Variants in GALK2 observed in about 807,000 individuals in gnomAD.
GALK2 encodes N-acetylgalactosamine kinase.
In GALK2, 36 loss-of-function variants were observed where a neutral mutation model predicts 52.4. That is an observed-to-expected ratio of 0.69 (90% CI 0.53 to 0.91). The LOEUF (loss-of-function observed/expected upper bound fraction) is 0.91. GALK2 is among the 40% of genes least tolerant of loss of function. The pLI is 0.00. For synonymous variants in GALK2, 176 were observed against 199.1 expected (o/e 0.88, Z 0.98); for missense variants, 579 against 559.1 (o/e 1.04, Z -0.36).
In GALK2 at chr15:49,319,624, C is replaced by G; in HGVS notation, c.988C>G (p.Gln330Glu). 6.2e-7 allele frequency: 1 copy of G among 1,614,162 alleles called. No homozygotes were observed. Among genetic ancestry groups the G allele is most frequent in the South Asian group, 1.1e-5 (1 of 91,058 alleles). Residue 330 changes from glutamine to glutamate, a missense_variant, in exon 9 of 10, where the codon CAG becomes GAG. Transcript: ENST00000560031. The stretch of plus-strand genomic sequence containing the variant: ...CTCAGTGCTCATCTTCAAACTCTAT[C>G]AGCGGGCAAAGCATGTGTACAGCGA... ...TQDVLIFKLY[Q>E]RAKHVYSEAA... is the part of the protein sequence containing the mutation.
chr15:49,178,330 T>TA (rs1223290894), intron 1 of GALK2: 1 of 146,148 alleles, frequency 6.8e-6, no homozygotes, highest in Non-Finnish European at 1.5e-5. Context: ...TGTATGTACA[T>TA]ATATACATGA....
rs1595792647 is a variant in GALK2, at chr15:49,239,442, GCCTT to G, written c.504+80_504+83del. 11 of 1,397,956 alleles carry G rather than the reference GCCTT, an allele frequency of 7.9e-6. No homozygotes were observed. In the East Asian group the frequency reaches 2.5e-4, roughly 32 times the overall value. 86.6% of individuals were successfully genotyped at this position (1,397,956 alleles called of 1,614,324 possible). Reference sequence around the variant, plus strand: ...TAGCATCCAAATCTCAAATCAGAATGCCTTCCTTGATTGAAAAACTGTCTTCTCT... The same window carrying G: ...TAGCATCCAAATCTCAAATCAGAATGCCTTGATTGAAAAACTGTCTTCTCT... On this transcript the variant is annotated intron_variant, in intron 5 of 9. Coordinates refer to ENST00000560031, the MANE Select transcript of GALK2 (RefSeq NM_002044.4).
intron 2 of GALK2, among the ~76,000 whole-genome samples, chr15:49,213,979 G>T (rs1399528099): frequency 6.6e-6 from 1 of 151,974 alleles, no homozygotes; most frequent in East Asian, 1.9e-4. Flanking sequence ...ATTTAGCTGG[G>T]CATGGTGGCG....
intron 9 of GALK2, among the ~76,000 whole-genome samples, chr15:49,321,493 G>A (rs1232748471): frequency 1.3e-5 from 2 of 152,240 alleles, no homozygotes; most frequent in African/African-American, 4.8e-5. Context: ...GTGGGTATAA[G>A]AGAGAAATCA....
chr15:49,309,919 T>A (rs1420350088), intron 8 of GALK2, among the ~76,000 whole-genome samples: 1 of 152,198 alleles, frequency 6.6e-6, no homozygotes, highest in Non-Finnish European at 1.5e-5. Flanking sequence ...TCTAGTTTTT[T>A]TGAACATGTA....
intron 5 of GALK2, among the ~76,000 whole-genome samples, chr15:49,277,173 T>A (rs1432338503): frequency 0.013 from 297 of 23,166 alleles, 32 homozygotes; most frequent in African/African-American, 0.041. Context: ...TTTTTTTTTT[T>A]TTTTTTTTTT....
intron 5 of GALK2, among the ~76,000 whole-genome samples, chr15:49,256,648 G>T (rs527433716): frequency 6.6e-6 from 1 of 152,146 alleles, no homozygotes; most frequent in African/African-American, 2.4e-5. Context: ...GCTTTAGCCA[G>T]ATGTAATTGG....
At chr15:49,263,764 G>T (rs1316515280) in intron 5 of GALK2, among the ~76,000 whole-genome samples, 1 of 122,582 alleles carries the variant, frequency 8.2e-6, no homozygotes, top group Non-Finnish European at 1.7e-5. Context: ...AGGCAGGCCT[G>T]TTGGTGAGAA....
At chr15:49,358,935 A>G (rs1056851023) in intron 3 of GALK2, among the ~76,000 whole-genome samples, 1 of 146,090 alleles carries the variant, frequency 6.8e-6, no homozygotes, top group Non-Finnish European at 1.5e-5. Context: ...ATAACGCCGC[A>G]TATCTACAAC....
intron 7 of GALK2, among the ~76,000 whole-genome samples, chr15:49,290,462 T>G (rs1325709195): frequency 6.6e-6 from 1 of 152,232 alleles, no homozygotes; most frequent in Non-Finnish European, 1.5e-5. Flanking sequence ...AGTGCCTCAA[T>G]CTGCAGAAGA....
At chr15:49,308,913 C>G (rs1293257692) in intron 8 of GALK2, among the ~76,000 whole-genome samples, 1 of 152,108 alleles carries the variant, frequency 6.6e-6, no homozygotes, top group Non-Finnish European at 1.5e-5. Context: ...AGCATCTGGG[C>G]CCCTTTTCCA....
intron 8 of GALK2, among the ~76,000 whole-genome samples, chr15:49,297,066 C>G (rs2031701076): frequency 6.6e-6 from 1 of 152,100 alleles, no homozygotes; most frequent in Non-Finnish European, 1.5e-5. Context: ...ATAAACATTC[C>G]CTTTTCTTGG....
intron 5 of GALK2, among the ~76,000 whole-genome samples, chr15:49,266,656 T>G (rs1295163264): frequency 1.3e-5 from 2 of 152,242 alleles, no homozygotes; most frequent in African/African-American, 4.8e-5. Flanking sequence ...AAGATTTTTC[T>G]GAAGAAGGAA....
At chr15:49,334,749 G>A (rs549146651), downstream of GALK2, among the ~76,000 whole-genome samples, 1 of 152,204 alleles carries the variant, frequency 6.6e-6, no homozygotes, top group South Asian at 2.1e-4. Context: ...GTGCTCCTTG[G>A]ACAGCAGGAG....
intron 3 of GALK2, among the ~76,000 whole-genome samples, chr15:49,340,910 A>G (rs1862145608): frequency 6.6e-6 from 1 of 152,152 alleles, no homozygotes; most frequent in Non-Finnish European, 1.5e-5. Flanking sequence ...TTACATTTAA[A>G]TATTTAATCC....
intron 5 of GALK2, among the ~76,000 whole-genome samples, chr15:49,242,275 G>T (rs151126314): frequency 0.012 from 1,796 of 152,286 alleles, 20 homozygotes; most frequent in Middle Eastern, 0.031. Flanking sequence ...ATGTGGGTAA[G>T]GTCAAGGGAA....
Position 49,292,500 on chromosome 15 carries a change from A to T in GALK2, c.930A>T (p.Glu310Asp). ...ICRCLGISLEELRTQILSPNT... is the reference protein window; with the variant it reads ...ICRCLGISLEDLRTQILSPNT... ...GGTGTCTGGGAATTAGCCTGGAGGA[A>T]CTCCGAACCCAAATCCTGAGTCCAA... is the stretch of plus-strand genomic sequence containing the variant. Residue 310 changes from glutamate to aspartate, a missense_variant, in exon 8 of 10, where the codon GAA becomes GAT. By Grantham distance (45) the Glu-to-Asp change is conservative. Coordinates refer to ENST00000560031, the MANE Select transcript of GALK2 (RefSeq NM_002044.4). 2 of 1,613,986 alleles carry T rather than the reference A, an allele frequency of 1.2e-6. No individual in the cohort carries two copies. Among genetic ancestry groups the T allele is most frequent in the South Asian group, 1.1e-5 (1 of 91,068 alleles).
At chr15:49,283,809 T>A in intron 7 of GALK2, 91 bp downstream of exon 7, 1 of 1,332,000 alleles carries the variant, frequency 7.5e-7, no homozygotes, top group Non-Finnish European at 1.0e-6. Flanking sequence ...TTTCCCCAAA[T>A]TTTAGGGCAA....
intron 3 of GALK2, among the ~76,000 whole-genome samples, chr15:49,357,657 G>A (rs1237735416): frequency 4.0e-5 from 6 of 150,738 alleles, no homozygotes; most frequent in Non-Finnish European, 6.0e-5. Flanking sequence ...TCTACCAGAG[G>A]TACAAGGAGG....
Sources: allele counts gnomAD v4.1 joint callset (sites outside exome capture counted in the v4.1 genomes callset), GRCh38; gene constraint gnomAD v4.1.1; transcripts MANE v1.5; gene names NCBI Gene and HGNC (gene_info 2026-07-23, HGNC 2026-07-21).